The following HMGB1 variants were observed in gnomAD, a reference collection of about 807,000 sequenced individuals.
HMGB1 encodes high mobility group box 1, also known as high mobility group protein B1.
For synonymous variants in HMGB1, 81 were observed against 84.0 expected, an observed-to-expected ratio of 0.96 and a Z score of 0.19; for missense variants, 79 against 253.5, an observed-to-expected ratio of 0.31 and a Z score of 4.67.
intron 1 of HMGB1, among the ~76,000 whole-genome samples, chr13:30,486,727 C>T (rs539992866): frequency 2.5e-4 from 38 of 152,226 alleles, no homozygotes; most frequent in Middle Eastern, 6.8e-3. Context: ...CTAGAGTGAA[C>T]GGGATTCCTA....
At chr13:30,586,470 G>GTTTTTTT (rs1228323938) in intron 1 of HMGB1, among the ~76,000 whole-genome samples, 5 of 123,276 alleles carry the variant, frequency 4.1e-5, no homozygotes, top group Admixed American at 9.5e-5. Flanking sequence ...GAAATCACTG[G>GTTTTTTT]TTTTTTTTGT....
At chr13:30,491,230 A>AT (rs1215453465) in intron 1 of HMGB1, among the ~76,000 whole-genome samples, 1 of 152,094 alleles carries the variant, frequency 6.6e-6, no homozygotes, top group Non-Finnish European at 1.5e-5. Flanking sequence ...GGGTTTCACC[A>AT]TGTTAGCCAG....
chr13:30,608,405 T>TA lies in HMGB1; in HGVS notation c.-15+8265dup, dbSNP rs879942649. Among the ~76,000 whole-genome samples, 695 of 149,780 alleles carry TA rather than the reference T, an allele frequency of 4.6e-3. 3 individuals are homozygous for TA. Among genetic ancestry groups the TA allele is most frequent in the Middle Eastern group, 0.017 (5 of 288 alleles). ...ATCACAGCAACCCGATGCAAAGTAC[T>TA]AAAAAAAAAATCCATTAATACCTAT... On this transcript the variant is annotated intron_variant, in intron 1 of 4. Transcript: ENST00000405805.
chr13:30,506,650 G>A (rs1566009479), intron 1 of HMGB1, among the ~76,000 whole-genome samples: 2 of 152,166 alleles, frequency 1.3e-5, no homozygotes, highest in East Asian at 1.9e-4. Context: ...ATCCACACTC[G>A]AGCTGCCCCT....
chr13:30,468,735 C>T (rs190176293), upstream of HMGB1, among the ~76,000 whole-genome samples: 7 of 152,240 alleles, frequency 4.6e-5, no homozygotes, highest in African/African-American at 1.4e-4. Context: ...CAGGGAAGAA[C>T]ATAAAAAAGA....
intron 1 of HMGB1, among the ~76,000 whole-genome samples, chr13:30,560,159 T>G (rs2137523566): frequency 6.6e-6 from 1 of 152,124 alleles, no homozygotes; most frequent in South Asian, 2.1e-4. Flanking sequence ...GTTGAATGAA[T>G]GAATAAGAAA....
intron 1 of HMGB1, among the ~76,000 whole-genome samples, chr13:30,531,046 A>G (rs1888481656): frequency 6.6e-6 from 1 of 152,032 alleles, no homozygotes; most frequent in South Asian, 2.1e-4. Context: ...CCCTGTCTCA[A>G]AAGACAAATA....
chr13:30,563,512 G>A (rs574087105), intron 1 of HMGB1, among the ~76,000 whole-genome samples: 1 of 152,154 alleles, frequency 6.6e-6, no homozygotes, highest in Non-Finnish European at 1.5e-5. Context: ...AGGAAGCTGA[G>A]GTGGGAGGAT....
At chr13:30,473,777 A>C (rs1397008244) in intron 1 of HMGB1, among the ~76,000 whole-genome samples, 2 of 152,208 alleles carry the variant, frequency 1.3e-5, no homozygotes, top group Non-Finnish European at 2.9e-5. Context: ...AGAAACAAAA[A>C]CATGTCCACA....
chr13:30,461,716 G>A, intron 4 of HMGB1, 183 bp from the exon 5 acceptor site: 1 of 1,492,190 alleles, frequency 6.7e-7, no homozygotes, highest in Non-Finnish European at 9.2e-7. Flanking sequence ...AAAAATACAA[G>A]ATCATTATAA....
At chr13:30,583,836 A>G in intron 1 of HMGB1, among the ~76,000 whole-genome samples, 1 of 145,600 alleles carries the variant, frequency 6.9e-6, no homozygotes, top group Non-Finnish European at 1.5e-5. Flanking sequence ...AAAAAAAAAA[A>G]AAAAAAGAAA....
At chr13:30,464,949 G>C (rs1351015281) in intron 1 of HMGB1, 1 of 140,266 alleles carries the variant, frequency 7.1e-6, no homozygotes, top group Non-Finnish European at 1.5e-5. Flanking sequence ...CCCCGCCGCG[G>C]TGGGGGCCGC....
At chr13:30,572,235 C>T (rs2137534879) in intron 1 of HMGB1, among the ~76,000 whole-genome samples, 1 of 152,280 alleles carries the variant, frequency 6.6e-6, no homozygotes, top group East Asian at 1.9e-4. Context: ...TCTTCCCCCA[C>T]ACATGTCAGA....
At chr13:30,538,563 CTTCTTTTT>C (rs1868624284) in intron 1 of HMGB1, among the ~76,000 whole-genome samples, 7 of 75,292 alleles carry the variant, frequency 9.3e-5, no homozygotes, top group African/African-American at 3.3e-4. Flanking sequence ...CTTTTTCTTT[CTTCTTTTT>C]CTTTCTTTCT....
At chr13:30,490,487 T>C (rs748894396) in intron 1 of HMGB1, among the ~76,000 whole-genome samples, 1 of 152,032 alleles carries the variant, frequency 6.6e-6, no homozygotes, top group Non-Finnish European at 1.5e-5. Flanking sequence ...GGCGTGGTAG[T>C]GCTTGCCTAT....
At position 30,461,378 on chromosome 13, in the gene HMGB1, T is replaced by C; in HGVS notation, c.627A>G (p.Glu209=). 1 of 1,564,854 alleles carries C rather than the reference T, an allele frequency of 6.4e-7. No individual in the cohort carries two copies. Among genetic ancestry groups the C allele is most frequent in the Admixed American group, 2.0e-5 (1 of 49,534 alleles). ...CAACTTATTCATCATCATCATCTTC[T>C]TCTTCATCTTCATCTTCTTCATCTT... The part of the protein sequence containing the change: ...EEEDEEDEDE[E]EDDDDE Residue 209 remains glutamate (E), a synonymous_variant, in exon 5 of 5, where the codon GAA becomes GAG. Coordinates refer to ENST00000341423, the MANE Select transcript of HMGB1 (RefSeq NM_002128.7).
intron 1 of HMGB1, among the ~76,000 whole-genome samples, chr13:30,606,680 T>G (rs969969687): frequency 1.3e-5 from 2 of 152,324 alleles, no homozygotes; most frequent in East Asian, 3.9e-4. Flanking sequence ...ACAGCTTACA[T>G]CTGGATGAGA....
intron 1 of HMGB1, among the ~76,000 whole-genome samples, chr13:30,499,861 A>C (rs1356790252): frequency 6.6e-6 from 1 of 152,236 alleles, no homozygotes; most frequent in Non-Finnish European, 1.5e-5. Flanking sequence ...GGATTTGGTT[A>C]AAGTGAATCT....
chr13:30,615,981 T>C (rs938763744), intron 1 of HMGB1, among the ~76,000 whole-genome samples: 3 of 152,240 alleles, frequency 2.0e-5, no homozygotes, highest in African/African-American at 7.2e-5. Context: ...TTAATCCCAC[T>C]GGAAGGTACT....
Sources: gnomAD v4.1 joint callset for allele counts (sites outside exome capture counted in the v4.1 genomes callset) on GRCh38, gnomAD v4.1.1 for gene constraint, MANE v1.5 for transcripts, NCBI Gene and HGNC (gene_info 2026-07-23, HGNC 2026-07-21) for gene names.